GNL2: variants seen among roughly 807,000 people sequenced by gnomAD.
The protein encoded by GNL2 is nucleolar GTP-binding protein 2.
A neutral mutation model predicts 92.3 loss-of-function variants in GNL2; 51 were observed. That is an observed-to-expected ratio of 0.55 (90% CI 0.44 to 0.70). GNL2 has a LOEUF of 0.70. Ranked by LOEUF, GNL2 falls within the 30% of genes least tolerant of loss-of-function variation. GNL2 has a pLI of 0.00. For synonymous variants in GNL2, 283 were observed against 300.6 expected (o/e 0.94, Z 0.61); for missense variants, 844 against 895.6 (o/e 0.94, Z 0.74).
intron 2 of GNL2, among the ~76,000 whole-genome samples, chr1:37,593,298 CA>C (rs1643899674): frequency 6.6e-6 from 1 of 152,164 alleles, no homozygotes; most frequent in Non-Finnish European, 1.5e-5. Flanking sequence ...AAATTAAGAC[CA>C]GTTAGCGGAA....
chr1:37,594,747 G>A (rs904503455), intron 1 of GNL2, among the ~76,000 whole-genome samples: 1 of 152,174 alleles, frequency 6.6e-6, no homozygotes, highest in African/African-American at 2.4e-5. Context: ...CATCATGTTG[G>A]TCAGGCTGGT....
Position 37,568,275 on chromosome 1 carries a change from C to T in GNL2, c.1951G>A (p.Ala651Thr). Residue 651 changes from alanine (A) to threonine (T), a missense_variant and splice_region_variant, in exon 14 of 16, where the codon GCA becomes ACA. Physicochemically the swap from Ala to Thr is moderately conservative, Grantham distance 58 (BLOSUM62 0). Coordinates refer to ENST00000373062, the MANE Select transcript of GNL2 (RefSeq NM_013285.3). ...KTLEEDVDDR[A>T]PSKKGKKRKA... ...AATGATTGAAATAATTTAACTTCAC[C>T]TCTGTCATCTACATCTTCTTCCAGT... is the stretch of plus-strand genomic sequence containing the variant. 1 of 1,572,518 alleles carries T rather than the reference C, an allele frequency of 6.4e-7. No homozygotes were observed. The highest frequency in any genetic ancestry group is 8.8e-7 in the Non-Finnish European group (1 of 1,142,038).
intron 2 of GNL2, chr1:37,593,537 T>C: frequency 4.2e-6 from 2 of 477,956 alleles, no homozygotes; most frequent in East Asian, 3.4e-5. Context: ...ACAAGACCTC[T>C]ACTTTTGAGT....
chr1:37,573,393 T>C (rs1363587051), intron 12 of GNL2, among the ~76,000 whole-genome samples: 1 of 152,170 alleles, frequency 6.6e-6, no homozygotes, highest in African/African-American at 2.4e-5. Flanking sequence ...CTGAAAAAGG[T>C]CCTAGAACCA....
intron 8 of GNL2, among the ~76,000 whole-genome samples, chr1:37,580,088 C>T (rs1643742597): frequency 1.3e-5 from 2 of 152,152 alleles, no homozygotes; most frequent in Admixed American, 1.3e-4. Context: ...CACTTCAAGA[C>T]ACACCACTGT....
intron 1 of GNL2, 124 bp from the exon 2 acceptor site, chr1:37,593,970 C>T: frequency 1.6e-6 from 1 of 635,702 alleles, no homozygotes; most frequent in African/African-American, 1.8e-5. Flanking sequence ...CCACAAAAAT[C>T]TCTACTTTCT....
chr1:37,593,412 A>G (rs1643900298), intron 2 of GNL2: 1 of 204,090 alleles, frequency 4.9e-6, no homozygotes, highest in East Asian at 1.2e-4. Flanking sequence ...TTTTGGCATT[A>G]AAAAACACAT....
At position 37,583,942 on chromosome 1, in the gene GNL2, G is replaced by A. The variant is rs1343466906; in HGVS notation, c.570-9C>T. 1 of 1,485,354 alleles carries A rather than the reference G, an allele frequency of 6.7e-7. No individual in the cohort carries two copies. Among genetic ancestry groups the A allele is most frequent in the African/African-American group, 1.4e-5 (1 of 73,420 alleles). The allele number at this position is 1,485,354 out of a possible 1,614,324, so 92.0% of individuals were successfully genotyped here. On this transcript the variant is annotated splice_polypyrimidine_tract_variant and intron_variant, in intron 5 of 15. Transcript: ENST00000373062. Reference sequence around the variant, plus strand: ...CTTCTTGAGCTTCATTTCTAAATAAGAAAGCACCCCAAATGAGCAACTGAA... The same window carrying A: ...CTTCTTGAGCTTCATTTCTAAATAAAAAAGCACCCCAAATGAGCAACTGAA...
chr1:37,582,700 A>C, intron 7 of GNL2, 78 bp downstream of exon 7: 1 of 1,169,496 alleles, frequency 8.6e-7, no homozygotes, highest in African/African-American at 1.5e-5. Context: ...GCCGGACAAC[A>C]CTTTAGCCTA....
At chr1:37,581,087 A>G (rs543118924) in intron 8 of GNL2, among the ~76,000 whole-genome samples, 1 of 152,344 alleles carries the variant, frequency 6.6e-6, no homozygotes, top group East Asian at 1.9e-4. Flanking sequence ...ATACAGAGAG[A>G]GGATGGCTAT....
rs199794422 is a variant in GNL2, at chr1:37,582,858, T to G, written c.715A>C (p.Thr239Pro). 8 of 1,612,870 alleles carry G rather than the reference T, an allele frequency of 5.0e-6. No individual in the cohort carries two copies. Among genetic ancestry groups the G allele is most frequent in the Non-Finnish European group, 6.8e-6 (8 of 1,178,860 alleles). ...PMGTRSPHIE[T>P]YLKKEKPWKH... Reference sequence around the variant, plus strand: ...CAAGGTTTTTCCTTCTTCAGGTAAGTTTCAATGTGAGGGGAACGAGTACCC... The same window carrying G: ...CAAGGTTTTTCCTTCTTCAGGTAAGGTTCAATGTGAGGGGAACGAGTACCC... Residue 239 changes from threonine (T) to proline (P), a missense_variant, in exon 7 of 16, where the codon ACT (threonine) becomes CCT (proline). Coordinates refer to ENST00000373062, the MANE Select transcript of GNL2 (RefSeq NM_013285.3).
intron 8 of GNL2, among the ~76,000 whole-genome samples, chr1:37,578,580 C>G (rs1243336041): frequency 6.7e-6 from 1 of 149,116 alleles, no homozygotes; most frequent in Non-Finnish European, 1.5e-5. Context: ...TTTTTTGAAA[C>G]AGGGTCTTCC....
intron 12 of GNL2, among the ~76,000 whole-genome samples, chr1:37,573,684 G>A (rs1643630426): frequency 2.0e-5 from 3 of 152,208 alleles, no homozygotes; most frequent in Admixed American, 2.0e-4. Flanking sequence ...AAAAGATACA[G>A]GTACCAGAAG....
Position 37,569,260 on chromosome 1 carries a change from G to A in GNL2, c.1459C>T (p.Gln487Ter). The part of the protein sequence containing the change: ...SSLEVVPEAA[Q>*]NNPGEEVTET... ...GTGACTTCCTCCCCTGGATTGTTCT[G>A]GGCTGCTTCTGGGACAACTTCCAAA... is the stretch of plus-strand genomic sequence containing the variant. The change falls in exon 13 of 16, where the codon CAG becomes TAG. Residue 487 changes from glutamine (Q) to a stop codon, truncating the protein, a stop_gained. Transcript: ENST00000373062. LOFTEE classifies it high-confidence loss of function. The A allele has an allele frequency of 6.2e-7, 1 of 1,612,988 alleles. No homozygotes were observed.
At chr1:37,594,162 A>C (rs939721669) in intron 1 of GNL2, 8 of 226,676 alleles carry the variant, frequency 3.5e-5, no homozygotes, top group Middle Eastern at 1.4e-3. Flanking sequence ...AATCCTATAG[A>C]TATATTATCC....
chr1:37,579,865 C>T (rs111509285), intron 8 of GNL2, among the ~76,000 whole-genome samples: 57 of 144,252 alleles, frequency 4.0e-4, no homozygotes, highest in African/African-American at 1.4e-3. Context: ...CACTGCACTC[C>T]AGCCTGGTGA....
intron 5 of GNL2, 96 bp downstream of exon 5, chr1:37,587,215 C>T: frequency 1.1e-6 from 1 of 916,346 alleles, no homozygotes; most frequent in Non-Finnish European, 1.6e-6. Context: ...TGCAGTGGGC[C>T]AAGATCGCAC....
At chr1:37,567,035 G>A (rs747260924) in intron 15 of GNL2, 28 bp from the exon 16 acceptor site, 7 of 1,593,108 alleles carry the variant, frequency 4.4e-6, no homozygotes, top group Admixed American at 3.6e-5. Flanking sequence ...AAAAGATGAA[G>A]AAAAAAAACA....
At chr1:37,581,123 A>G (rs1216919626) in intron 8 of GNL2, among the ~76,000 whole-genome samples, 1 of 152,218 alleles carries the variant, frequency 6.6e-6, no homozygotes, top group African/African-American at 2.4e-5. Flanking sequence ...CATTTTCCAT[A>G]GTAAGAAATT....
Sources: allele counts gnomAD v4.1 joint callset (sites outside exome capture counted in the v4.1 genomes callset), GRCh38; gene constraint gnomAD v4.1.1; transcripts MANE v1.5; gene names NCBI Gene and HGNC (gene_info 2026-07-23, HGNC 2026-07-21).